The following SND1 variants were observed in gnomAD, a reference collection of about 807,000 sequenced individuals.
The protein encoded by SND1 is staphylococcal nuclease domain-containing protein 1.
A neutral mutation model predicts 121.7 loss-of-function variants in SND1; 38 were observed. The ratio of observed to expected loss-of-function variants is 0.31; its 90% confidence interval spans 0.24 to 0.41. The LOEUF (loss-of-function observed/expected upper bound fraction) is 0.41. Ranked by LOEUF, SND1 falls within the 10% of genes least tolerant of loss-of-function variation. The pLI is 1.00. For synonymous variants in SND1, 401 were observed against 447.4 expected, an observed-to-expected ratio of 0.90 and a Z score of 1.31; for missense variants, 868 against 1,184.6, an observed-to-expected ratio of 0.73 and a Z score of 3.92.
intron 10 of SND1, among the ~76,000 whole-genome samples, chr7:127,732,123 C>T (rs1796688401): frequency 7.3e-6 from 1 of 136,268 alleles, no homozygotes; most frequent in Non-Finnish European, 1.7e-5. Context: ...ACATTGTCTT[C>T]CTCCACCTGA....
chr7:127,802,930 G>A (rs1403135319), intron 10 of SND1, among the ~76,000 whole-genome samples: 1 of 152,026 alleles, frequency 6.6e-6, no homozygotes, highest in Non-Finnish European at 1.5e-5. Context: ...ATCCAGTTCT[G>A]ACCACTTCTT....
chr7:127,840,733 G>T (rs1798949517), intron 11 of SND1, among the ~76,000 whole-genome samples: 1 of 152,138 alleles, frequency 6.6e-6, no homozygotes, highest in Non-Finnish European at 1.5e-5. Flanking sequence ...GAATCCACAG[G>T]GGAGGGACAC....
At chr7:127,718,468 C>T (rs930864324) in intron 9 of SND1, 15 of 560,130 alleles carry the variant, frequency 2.7e-5, no homozygotes, top group Non-Finnish European at 3.4e-5. Context: ...AAACCATAAA[C>T]CCCACTTATA....
At chr7:127,687,928 T>C (rs1351961019) in intron 2 of SND1, among the ~76,000 whole-genome samples, 2 of 151,978 alleles carry the variant, frequency 1.3e-5, no homozygotes, top group African/African-American at 4.8e-5. Context: ...ATTCAAGCAA[T>C]CTTTCTGCCT....
chr7:128,055,180 C>G (rs1281613418), intron 16 of SND1, among the ~76,000 whole-genome samples: 1 of 152,110 alleles, frequency 6.6e-6, no homozygotes, highest in African/African-American at 2.4e-5. Context: ...TAGATCCAGT[C>G]AGGGGGTTGG....
chr7:127,686,799 C>T (rs1469643431), intron 2 of SND1, 37 bp downstream of exon 2: 2 of 1,594,522 alleles, frequency 1.3e-6, no homozygotes, highest in African/African-American at 2.7e-5. Flanking sequence ...GCCTGTGGAC[C>T]TAGGTAATAG....
intron 16 of SND1, among the ~76,000 whole-genome samples, chr7:128,054,318 G>A (rs1793100095): frequency 6.6e-6 from 1 of 152,338 alleles, no homozygotes; most frequent in Non-Finnish European, 1.5e-5. Context: ...GTGCCCCAGA[G>A]GTGGCCAGGA....
At chr7:127,744,296 G>T (rs1010230792) in intron 10 of SND1, among the ~76,000 whole-genome samples, 2 of 151,628 alleles carry the variant, frequency 1.3e-5, no homozygotes, top group Non-Finnish European at 2.9e-5. Flanking sequence ...CCGTTTTTGG[G>T]TCGGCTTAGA....
chr7:127,694,896 A>T lies in SND1; in HGVS notation c.297A>T (p.Ile99=), dbSNP rs1795980541. ...KLIGKEVCFT[I]ENKTPQGREY... is the part of the protein sequence containing the mutation. ...TTGGGAAGGAAGTCTGTTTCACGAT[A>T]GAAAACAAGACTCCCCAGGGGCGAG... The change falls in exon 3 of 24, where the codon ATA becomes ATT. Residue 99 remains isoleucine (I), a synonymous_variant. Coordinates refer to ENST00000354725, the MANE Select transcript of SND1 (RefSeq NM_014390.4). The T allele has an allele frequency of 5.5e-5, 89 of 1,613,982 alleles. No homozygotes were observed. The highest frequency in any genetic ancestry group is 7.5e-5 in the Non-Finnish European group (88 of 1,179,876).
chr7:127,943,718 A>T (rs1584684548), intron 15 of SND1, among the ~76,000 whole-genome samples: 1 of 152,286 alleles, frequency 6.6e-6, no homozygotes, highest in African/African-American at 2.4e-5. Flanking sequence ...GTGCAATCAG[A>T]TGAAGGTGCA....
chr7:127,769,282 G>A (rs73723071), intron 10 of SND1, among the ~76,000 whole-genome samples: 2,587 of 152,038 alleles, frequency 0.017, 91 homozygotes, highest in African/African-American at 0.059. Context: ...AGTAAACTCC[G>A]TTTCCTCAGG....
chr7:127,661,523 TAAC>T (rs1321126474), intron 1 of SND1, among the ~76,000 whole-genome samples: 3 of 152,174 alleles, frequency 2.0e-5, no homozygotes, highest in Non-Finnish European at 4.4e-5. Flanking sequence ...GCCCCATTCT[TAAC>T]AACACTAAAA....
At chr7:127,938,630 T>C (rs1280161574) in intron 15 of SND1, among the ~76,000 whole-genome samples, 4 of 152,232 alleles carry the variant, frequency 2.6e-5, no homozygotes, top group African/African-American at 4.8e-5. Context: ...AAGAGTTGCC[T>C]AAAAGAAATG....
chr7:127,909,172 T>A (rs890852681), intron 14 of SND1, among the ~76,000 whole-genome samples: 1 of 152,236 alleles, frequency 6.6e-6, no homozygotes, highest in Non-Finnish European at 1.5e-5. Context: ...GATAGCATCC[T>A]CTTCAGTCTT....
intron 10 of SND1, among the ~76,000 whole-genome samples, chr7:127,785,786 C>T (rs999619352): frequency 2.6e-5 from 4 of 152,142 alleles, no homozygotes; most frequent in Admixed American, 6.5e-5. Flanking sequence ...TGTTTAAGGA[C>T]AATATGTATT....
In SND1 at chr7:127,821,409, T is replaced by A. The variant is rs557222421; in HGVS notation, c.1242+13836T>A. ...CTTGGATGACCCAGCTTTCTGTAAT[T>A]CACCTTTGGATTGGATTGTTTTTTC... On this transcript the variant is annotated intron_variant, in intron 11 of 23. Coordinates refer to ENST00000354725, the MANE Select transcript of SND1 (RefSeq NM_014390.4). Among the ~76,000 whole-genome samples, 194 of 152,322 alleles carry A rather than the reference T, an allele frequency of 1.3e-3. 5 individuals are homozygous for A. In the South Asian group the frequency reaches 0.038, roughly 30 times the overall value.
In SND1 at chr7:127,794,645, C is replaced by T. The variant is rs963721098; in HGVS notation, c.1153-12839C>T. Among the ~76,000 whole-genome samples the T allele has an allele frequency of 5.3e-5, 8 of 152,272 alleles. No individual in the cohort carries two copies. The East Asian group carries it at 1.2e-3, about 22-fold the overall frequency. On this transcript the variant is annotated intron_variant, in intron 10 of 23. Transcript: ENST00000354725. ...GTCAGAGATTTATTTTCTTTTCCTC[C>T]TGTTCTTTTCCCCTCTTCTGTAACT...
At chr7:127,718,945 C>T (rs1332852184) in intron 9 of SND1, among the ~76,000 whole-genome samples, 1 of 111,892 alleles carries the variant, frequency 8.9e-6, no homozygotes, top group Non-Finnish European at 2.0e-5. Context: ...TTTGGGAAAT[C>T]CTGTGATGTA....
intron 3 of SND1, 79 bp downstream of exon 3, chr7:127,695,027 G>T: frequency 6.5e-7 from 1 of 1,547,626 alleles, no homozygotes; most frequent in Non-Finnish European, 8.8e-7. Flanking sequence ...TGGAAGGCCA[G>T]TGTGGGTTCT....
Sources: allele counts gnomAD v4.1 joint callset (sites outside exome capture counted in the v4.1 genomes callset), GRCh38; gene constraint gnomAD v4.1.1; transcripts MANE v1.5; gene names NCBI Gene and HGNC (gene_info 2026-07-23, HGNC 2026-07-21).